ALG12: variants seen among roughly 807,000 people sequenced by gnomAD.
ALG12 encodes dol-P-Man:Man(7)GlcNAc(2)-PP-Dol alpha-1,6-mannosyltransferase.
In ALG12, 36 loss-of-function variants were observed where a neutral mutation model predicts 46.0. The ratio of observed to expected loss-of-function variants is 0.78; its 90% confidence interval spans 0.60 to 1.03. The LOEUF is 1.03. ALG12 is among the 50% of genes least tolerant of loss of function. The probability of loss-of-function intolerance (pLI) is 0.00; values close to 1 mark genes in which losing one functional copy is unlikely to be tolerated. For missense variants in ALG12, 599 were observed against 633.5 expected, an observed-to-expected ratio of 0.95 and a Z score of 0.58; for synonymous variants, 326 against 291.6, an observed-to-expected ratio of 1.12 and a Z score of -1.20.
In ALG12 at chr22:49,917,034, C is replaced by G. The variant is rs184258077; in HGVS notation, c.-79+1229G>C. ...TGCCTTCTGCTGATGACCAGCACAGCTCACTTTCGAGGGCATGAGAAGACC... is the reference window on the plus strand; with the variant it reads ...TGCCTTCTGCTGATGACCAGCACAGGTCACTTTCGAGGGCATGAGAAGACC... On this transcript the variant is annotated intron_variant, in intron 1 of 9. Transcript: ENST00000330817. Among the ~76,000 whole-genome samples the G allele has an allele frequency of 2.0e-5, 3 of 152,344 alleles. No individual in the cohort carries two copies. In the East Asian group the frequency reaches 5.8e-4, roughly 29 times the overall value.
chr22:49,874,346 G>T, the ALG12 span, among the ~76,000 whole-genome samples: 1 of 151,948 alleles, frequency 6.6e-6, no homozygotes, highest in Non-Finnish European at 1.5e-5. Flanking sequence ...ATCGAATGAC[G>T]TGCCCATATG....
the ALG12 span, chr22:49,887,863 T>C: frequency 6.0e-6 from 1 of 167,276 alleles, no homozygotes; most frequent in Non-Finnish European, 1.5e-5. Flanking sequence ...CCCCAGCTGT[T>C]TATCATCAGC....
At chr22:49,895,680 T>C (rs1386874570), downstream of ALG12, among the ~76,000 whole-genome samples, 3 of 151,738 alleles carry the variant, frequency 2.0e-5, no homozygotes, top group Non-Finnish European at 2.9e-5. Flanking sequence ...AAAGTGGTGC[T>C]GTAAGGAGAG....
downstream of ALG12, among the ~76,000 whole-genome samples, chr22:49,899,995 C>T (rs1278041140): frequency 1.3e-5 from 2 of 151,936 alleles, no homozygotes; most frequent in Non-Finnish European, 2.9e-5. Context: ...CCCATCTCTT[C>T]AAGAAAAATT....
At chr22:49,890,732 T>C in the ALG12 span, among the ~76,000 whole-genome samples, 1 of 152,174 alleles carries the variant, frequency 6.6e-6, no homozygotes, top group African/African-American at 2.4e-5. Context: ...AAGATGTTAT[T>C]GTGGCCAGAT....
the ALG12 span, among the ~76,000 whole-genome samples, chr22:49,874,937 C>T: frequency 6.6e-6 from 1 of 152,072 alleles, no homozygotes; most frequent in Non-Finnish European, 1.5e-5. Context: ...CCCACCTTGG[C>T]CTCCCAAAGT....
At chr22:49,916,727 G>T (rs1409726276) in intron 1 of ALG12, among the ~76,000 whole-genome samples, 1 of 152,214 alleles carries the variant, frequency 6.6e-6, no homozygotes, top group Non-Finnish European at 1.5e-5. Context: ...GACATGGGGG[G>T]TACTGCTTGA....
the ALG12 span, among the ~76,000 whole-genome samples, chr22:49,881,017 C>G: frequency 6.6e-6 from 1 of 152,214 alleles, no homozygotes; most frequent in African/African-American, 2.4e-5. Context: ...TGCTTTCATG[C>G]ATGCTTTTGG....
At chr22:49,860,767 C>T in the ALG12 span, among the ~76,000 whole-genome samples, 1 of 149,964 alleles carries the variant, frequency 6.7e-6, no homozygotes, top group African/African-American at 2.5e-5. Context: ...CCCCACCACT[C>T]TTCTAAGCAA....
the ALG12 span, among the ~76,000 whole-genome samples, chr22:49,892,210 A>G: frequency 6.7e-6 from 1 of 150,230 alleles, no homozygotes; most frequent in East Asian, 2.0e-4. Flanking sequence ...AAAAAAAAAA[A>G]AACTTTTTGA....
the ALG12 span, chr22:49,884,461 G>C: frequency 6.2e-7 from 1 of 1,614,222 alleles, no homozygotes; most frequent in Non-Finnish European, 8.5e-7. Context: ...CGATGAACCT[G>C]CAGAGAACTT....
At chr22:49,907,539 G>T (rs1195881298) in intron 7 of ALG12, among the ~76,000 whole-genome samples, 182 bp downstream of exon 7, 5 of 152,148 alleles carry the variant, frequency 3.3e-5, no homozygotes, top group African/African-American at 1.2e-4. Context: ...TCCAGAGGAG[G>T]AGGCAGGAGG....
chr22:49,896,811 TA>T (rs1280266619), downstream of ALG12, among the ~76,000 whole-genome samples: 3 of 146,738 alleles, frequency 2.0e-5, no homozygotes, highest in Non-Finnish European at 3.0e-5. Flanking sequence ...AATTTTTGTA[TA>T]TTTTTTTTTA....
chr22:49,884,802 C>A, the ALG12 span: 1 of 1,609,790 alleles, frequency 6.2e-7, no homozygotes, highest in South Asian at 1.1e-5. Flanking sequence ...TAAAGCCGGT[C>A]AGAGAGTCCC....
rs756187206 is a variant in ALG12, at chr22:49,903,901, G to A, written c.1404C>T (p.Pro468=). ...TGVSLNLTQL[P]PFNVHLQTKL... ...TTGTCTGCAGGTGGACGTTGAAGGG[G>A]GGCAGTTGGGTCAGGTTCAGACTCA... The change falls in exon 10 of 10, where the codon CCC becomes CCT. Residue 468 remains proline, a synonymous_variant. Coordinates refer to ENST00000330817, the MANE Select transcript of ALG12 (RefSeq NM_024105.4). 6.2e-7 allele frequency: 1 copy of A among 1,614,212 alleles called. No individual in the cohort carries two copies. The highest frequency in any genetic ancestry group is 8.5e-7 in the Non-Finnish European group (1 of 1,180,028).
In ALG12 at chr22:49,906,567, G is replaced by A. The variant is rs1213878699; in HGVS notation, c.992+1154C>T. ...GCTGGGGGGCACCATCCCCTCCCCT[G>A]TAACAAGTGGCACCGGAAAGCACCT... On this transcript the variant is annotated intron_variant, in intron 7 of 9. Transcript: ENST00000330817. The surrounding 1 kb of genome is among the most constrained non-coding windows in gnomAD (Gnocchi z 4.4). Among the ~76,000 whole-genome samples, 4 of 152,154 alleles carry A rather than the reference G, an allele frequency of 2.6e-5. No homozygotes were observed. The highest frequency in any genetic ancestry group is 7.2e-5 in the African/African-American group (3 of 41,422).
At chr22:49,884,892 C>T in the ALG12 span, 5 of 1,602,948 alleles carry the variant, frequency 3.1e-6, no homozygotes, top group South Asian at 1.1e-5. Flanking sequence ...TGATGGAAGA[C>T]GTGGCGGCCT....
rs117687848 is a variant in ALG12, at chr22:49,910,544, C to T, written c.359G>A (p.Arg120Gln). 4,293 of 1,614,108 alleles carry T rather than the reference C, an allele frequency of 2.7e-3. 16 individuals are homozygous for T. The highest frequency in any genetic ancestry group is 7.6e-3 in the Middle Eastern group (46 of 6,062). The stretch of plus-strand genomic sequence containing the variant: ...GGTGGCCACCATGGCCCCGAAGTGC[C>T]GTCTCACTTCCTTTTGTAACGTCCA... ...GLWTLQKEVR[R>Q]HFGAMVATMF... Residue 120 changes from arginine to glutamine, a missense_variant, in exon 4 of 10, where the codon CGG (arginine) becomes CAG (glutamine). Transcript: ENST00000330817.
the ALG12 span, chr22:49,885,094 C>T: frequency 1.7e-5 from 27 of 1,613,378 alleles, no homozygotes; most frequent in African/African-American, 2.7e-5. Context: ...GGCCGAGTGT[C>T]GGTACTGCGG....
Sources: gnomAD v4.1 joint callset for allele counts (sites outside exome capture counted in the v4.1 genomes callset) on GRCh38, gnomAD v4.1.1 for gene constraint, Gnocchi (gnomAD v3.1) non-coding constraint, MANE v1.5 for transcripts, NCBI Gene and HGNC (gene_info 2026-07-23, HGNC 2026-07-21) for gene names.